The following MBD1 variants were observed in gnomAD, a reference collection of about 807,000 sequenced individuals.
MBD1 encodes the protein methyl-CpG binding domain protein 1, also known as methyl-CpG-binding domain protein 1.
MBD1 carries 25 observed loss-of-function variants against 82.6 expected under a neutral mutation model. That is an observed-to-expected ratio of 0.30 (90% confidence interval 0.22 to 0.42). The LOEUF (loss-of-function observed/expected upper bound fraction) is 0.42, where lower values mean the gene tolerates loss of function less well. Among genes scored for constraint, MBD1 ranks in the 10% least tolerant of loss-of-function variants. The probability of loss-of-function intolerance (pLI) is 1.00; values close to 1 mark genes in which losing one functional copy is unlikely to be tolerated. For synonymous variants in MBD1, 301 were observed against 303.7 expected, an observed-to-expected ratio of 0.99 and a Z score of 0.09; for missense variants, 627 against 819.6, an observed-to-expected ratio of 0.76 and a Z score of 2.87.
intron 8 of MBD1, 50 bp downstream of exon 8, chr18:50,275,550 G>A (rs1555689732): frequency 1.2e-6 from 2 of 1,613,820 alleles, no homozygotes; most frequent in Non-Finnish European, 1.7e-6. Context: ...AGCAGAGGCA[G>A]CGACGATTTT....
Position 50,269,814 on chromosome 18 carries a change from G to T in MBD1, c.*37C>A. On this transcript the variant is annotated 3_prime_UTR_variant, in exon 17 of 17. Coordinates refer to ENST00000269468, the MANE Select transcript of MBD1 (RefSeq NM_015846.4). ...TCTTCCCTTCCCGAGTGCCTGCCCT[G>T]CAGACTTCAAGCTCCAGCATTAGAT... The T allele has an allele frequency of 1.3e-6, 1 of 795,596 alleles. No homozygotes were observed. 49.3% of individuals were successfully genotyped at this position (795,596 alleles called of 1,614,324 possible).
chr18:50,272,562 A>T, intron 15 of MBD1, 115 bp downstream of exon 15: 1 of 1,085,636 alleles, frequency 9.2e-7, no homozygotes. Context: ...CATAGTGGGT[A>T]TGGGCCTTTA....
intron 16 of MBD1, chr18:50,270,190 A>G: frequency 6.3e-7 from 1 of 1,587,536 alleles, no homozygotes; most frequent in South Asian, 1.1e-5. Context: ...GCTGGACTGT[A>G]TGAGACAGAA....
chr18:50,281,312 TC>T, intron 1 of MBD1, 50 bp downstream of exon 1: 1 of 1,264,292 alleles, frequency 7.9e-7, no homozygotes, highest in Non-Finnish European at 1.1e-6. Flanking sequence ...CACAATTCCT[TC>T]CCATCCTCCG....
At position 50,274,315 on chromosome 18, in the gene MBD1, C is replaced by T; in HGVS notation, c.1017G>A (p.Gly339=). Residue 339 remains glycine, a synonymous_variant, in exon 11 of 17, where the codon GGG becomes GGA. Coordinates refer to ENST00000269468, the MANE Select transcript of MBD1 (RefSeq NM_015846.4). ...YTNRRQNRKC[G]ACAACLRRMD... is the part of the protein sequence containing the mutation. The stretch of plus-strand genomic sequence containing the variant: ...TCCGCCGTAGGCAGGCTGCACAGGC[C>T]CCGCACTTGCGGTTCTGCCGGCGGT... The T allele has an allele frequency of 1.9e-6, 3 of 1,613,800 alleles. No individual in the cohort carries two copies. Among genetic ancestry groups the T allele is most frequent in the Non-Finnish European group, 2.5e-6 (3 of 1,179,960 alleles).
Position 50,273,349 on chromosome 18 carries a change from A to T in MBD1, c.1569T>A (p.Pro523=). ...TAVLTSPVLV[P]GCPSKAVDPG... Reference sequence around the variant, plus strand: ...CTGCCCCCACCTTGCTAGGGCAGCCAGGCACCAATACGGGAGAAGTCAGGA... The same window carrying T: ...CTGCCCCCACCTTGCTAGGGCAGCCTGGCACCAATACGGGAGAAGTCAGGA... Residue 523 remains proline, a synonymous_variant, in exon 13 of 17, where the codon CCT becomes CCA. Coordinates refer to ENST00000269468, the MANE Select transcript of MBD1 (RefSeq NM_015846.4). The T allele has an allele frequency of 6.2e-7, 1 of 1,614,150 alleles. No homozygotes were observed. The highest frequency in any genetic ancestry group is 8.5e-7 in the Non-Finnish European group (1 of 1,180,030).
chr18:50,278,470 T>C (rs2038937341), intron 2 of MBD1, among the ~76,000 whole-genome samples: 1 of 152,208 alleles, frequency 6.6e-6, no homozygotes, highest in Admixed American at 6.5e-5. Context: ...AAGAATGAAA[T>C]CTCAGGTTCT....
rs964598585 is a variant in MBD1 at position 50,272,821 on chromosome 18, G to A, written c.1716+3C>T. 1 of 1,614,018 alleles carries A rather than the reference G, an allele frequency of 6.2e-7. No homozygotes were observed. On this transcript the variant is annotated splice_donor_region_variant and intron_variant, in intron 14 of 16. Coordinates refer to ENST00000269468, the MANE Select transcript of MBD1 (RefSeq NM_015846.4). Reference sequence around the variant, plus strand: ...GGCAGGGTGGGGCATCCCCAGCACTGACCACGGGTGTGCCAGCCCCTCCTG... The same window carrying A: ...GGCAGGGTGGGGCATCCCCAGCACTAACCACGGGTGTGCCAGCCCCTCCTG...
rs370511144 is a variant in MBD1, at chr18:50,269,690, G to C, written c.*161C>G. On this transcript the variant is annotated 3_prime_UTR_variant, in exon 17 of 17. Transcript: ENST00000269468. ...GGACACCCACATCATCGAAGCTGGA[G>C]GTGGTGAGAGACTGACATGGGTTCC... 7 of 778,590 alleles carry C rather than the reference G, an allele frequency of 9.0e-6. No homozygotes were observed. Among genetic ancestry groups the C allele is most frequent in the Non-Finnish European group, 1.4e-5 (6 of 416,920 alleles). The allele number at this position is 778,590 out of a possible 1,614,324, so 48.2% of individuals were successfully genotyped here.
chr18:50,273,057 T>C (rs893863716), intron 13 of MBD1, 102 bp from the exon 14 acceptor site: 1 of 1,462,434 alleles, frequency 6.8e-7, no homozygotes, highest in South Asian at 1.2e-5. Flanking sequence ...CCTACTTCCA[T>C]CACATTTCAA....
downstream of MBD1, chr18:50,267,540 G>A (rs1032143982): frequency 4.0e-6 from 5 of 1,240,176 alleles, no homozygotes; most frequent in African/African-American, 3.0e-5. Flanking sequence ...CAGAAGTCCA[G>A]TAACTGGTTT....
At chr18:50,276,554 T>C (rs898387307) in intron 5 of MBD1, 108 bp downstream of exon 5, 5 of 1,462,092 alleles carry the variant, frequency 3.4e-6, no homozygotes, top group Admixed American at 1.8e-5. Flanking sequence ...CCTCCAACCA[T>C]GCCAGTAGCC....
chr18:50,270,062 A>C, intron 16 of MBD1: 1 of 1,597,864 alleles, frequency 6.3e-7, no homozygotes, highest in Non-Finnish European at 8.5e-7. Context: ...AATTACCAGA[A>C]TACTGGGGTT....
At chr18:50,272,358 A>G (rs1049893003) in intron 15 of MBD1, 4 of 398,802 alleles carry the variant, frequency 1.0e-5, no homozygotes, top group Admixed American at 3.7e-5. Context: ...TTTATATATT[A>G]AAGCTGACCC....
intron 15 of MBD1, among the ~76,000 whole-genome samples, chr18:50,271,968 C>G (rs2035753028): frequency 6.6e-6 from 1 of 152,212 alleles, no homozygotes; most frequent in Non-Finnish European, 1.5e-5. Context: ...CAGGAGCCAG[C>G]ACTCCTCTGT....
chr18:50,274,746 G>A (rs1376566480), intron 10 of MBD1, among the ~76,000 whole-genome samples: 3 of 152,158 alleles, frequency 2.0e-5, no homozygotes, highest in Admixed American at 2.0e-4. Context: ...TATGCTAGCT[G>A]CTCCTCTGTC....
At chr18:50,279,842 C>G in intron 2 of MBD1, 41 bp downstream of exon 2, 1 of 1,613,250 alleles carries the variant, frequency 6.2e-7, no homozygotes, top group Admixed American at 1.7e-5. Flanking sequence ...CAGAATCAGG[C>G]TCTACCCCAC....
In MBD1 at chr18:50,276,435, GGAA is replaced by G. The variant is rs1389924159; in HGVS notation, c.476-20_476-18del. 1.5e-5 allele frequency: 25 copies of G among 1,613,834 alleles called. No individual in the cohort carries two copies. Among genetic ancestry groups the G allele is most frequent in the Non-Finnish European group, 1.9e-5 (22 of 1,179,772 alleles). On this transcript the variant is annotated intron_variant, in intron 5 of 16. Coordinates refer to ENST00000269468, the MANE Select transcript of MBD1 (RefSeq NM_015846.4). ...TTCTCTGTGCTGTGGGGAGGAAGAGGGAAGAAGAAAAGTGGAAAGGAAGCAACA... is the reference window on the plus strand; with the variant it reads ...TTCTCTGTGCTGTGGGGAGGAAGAGGGAAGAAAAGTGGAAAGGAAGCAACA...
chr18:50,267,521 G>C (rs758715561), downstream of MBD1: 6 of 1,029,598 alleles, frequency 5.8e-6, no homozygotes, highest in East Asian at 2.6e-5. Context: ...CCAGGGTCAG[G>C]ATGTGGATCA....
Sources: allele counts gnomAD v4.1 joint callset (sites outside exome capture counted in the v4.1 genomes callset), GRCh38; gene constraint gnomAD v4.1.1; transcripts MANE v1.5; gene names NCBI Gene and HGNC (gene_info 2026-07-23, HGNC 2026-07-21).